VWC2: variants seen among roughly 807,000 people sequenced by gnomAD.
The protein encoded by VWC2 is brorin.
VWC2 carries 14 observed loss-of-function variants against 29.8 expected under a neutral mutation model. That is an observed-to-expected ratio of 0.47 (90% CI 0.31 to 0.74). VWC2 has a LOEUF of 0.74. Ranked by LOEUF, VWC2 falls within the 30% of genes least tolerant of loss-of-function variation. The pLI, the probability that VWC2 is intolerant of heterozygous loss-of-function variation, is 0.05. For missense variants in VWC2, 457 were observed against 459.8 expected, an observed-to-expected ratio of 0.99 and a Z score of 0.05; for synonymous variants, 213 against 199.0, an observed-to-expected ratio of 1.07 and a Z score of -0.59.
intron 3 of VWC2, among the ~76,000 whole-genome samples, chr7:49,867,857 G>A (rs1463901303): frequency 6.8e-6 from 1 of 147,668 alleles, no homozygotes; most frequent in Non-Finnish European, 1.5e-5. Flanking sequence ...TTTTTGAGGT[G>A]GAGTCTTGCC....
Position 49,912,021 on chromosome 7 carries a change from T to G in VWC2, c.827-13T>G, listed in dbSNP as rs764286781. 2 of 1,610,076 alleles carry G rather than the reference T, an allele frequency of 1.2e-6. No individual in the cohort carries two copies. The highest frequency in any genetic ancestry group is 1.7e-6 in the Non-Finnish European group (2 of 1,178,320). ...TGCACACATATAGTATAAAACATTT[T>G]TCTGCATTTCAGGTCCAAACTGCTT... On this transcript the variant is annotated splice_polypyrimidine_tract_variant and intron_variant, in intron 3 of 3. Transcript: ENST00000340652.
intron 3 of VWC2, among the ~76,000 whole-genome samples, chr7:49,823,812 G>T (rs970778836): frequency 6.6e-6 from 1 of 152,134 alleles, no homozygotes; most frequent in African/African-American, 2.4e-5. Context: ...GGTCTAAGAG[G>T]TCTAGTGCAC....
Position 49,775,469 on chromosome 7 carries a change from C to T in VWC2, c.34C>T (p.Leu12Phe), listed in dbSNP as rs774449799. 1.7e-5 allele frequency: 26 copies of T among 1,497,850 alleles called. No individual in the cohort carries two copies. The highest frequency in any genetic ancestry group is 2.0e-5 in the Non-Finnish European group (23 of 1,127,234). 92.8% of individuals were successfully genotyped at this position (1,497,850 alleles called of 1,614,324 possible). ...CTCCACTGCGATGGCAGTTGGCGCG[C>T]TCTCCAGTTCCCTCCTGGTCACCTG... is the stretch of plus-strand genomic sequence containing the variant. Reference protein sequence around the residue: ...PSSTAMAVGALSSSLLVTCCL... With the variant: ...PSSTAMAVGAFSSSLLVTCCL... Residue 12 changes from leucine (L) to phenylalanine (F), a missense_variant, in exon 2 of 4, where the codon CTC (leucine) becomes TTC (phenylalanine). Leu to Phe is a conservative substitution (Grantham distance 22). Coordinates refer to ENST00000340652, the MANE Select transcript of VWC2 (RefSeq NM_198570.5).
chr7:49,900,354 A>G, intron 3 of VWC2, among the ~76,000 whole-genome samples: 1 of 151,774 alleles, frequency 6.6e-6, no homozygotes, highest in South Asian at 2.1e-4. Context: ...GGAAAACAAT[A>G]GAGAAAGCTG....
At chr7:49,840,041 AC>A (rs1481329233) in intron 3 of VWC2, among the ~76,000 whole-genome samples, 1 of 152,120 alleles carries the variant, frequency 6.6e-6, no homozygotes, top group Non-Finnish European at 1.5e-5. Context: ...CGCCTCATGG[AC>A]AACCCTGGCC....
intron 3 of VWC2, among the ~76,000 whole-genome samples, chr7:49,896,769 T>A (rs1008918517): frequency 6.6e-6 from 1 of 151,726 alleles, no homozygotes; most frequent in African/African-American, 2.4e-5. Flanking sequence ...TCTATGCACA[T>A]AAATTTAACA....
At chr7:49,821,218 GCA>G in intron 3 of VWC2, among the ~76,000 whole-genome samples, 1 of 152,322 alleles carries the variant, frequency 6.6e-6, no homozygotes, top group South Asian at 2.1e-4. Flanking sequence ...TGTTTAATAT[GCA>G]CAGTTTGCCC....
intron 3 of VWC2, among the ~76,000 whole-genome samples, chr7:49,816,370 A>G (rs1789143311): frequency 6.6e-6 from 1 of 152,216 alleles, no homozygotes; most frequent in African/African-American, 2.4e-5. Context: ...TAGTTTGGAC[A>G]TGGGCAGTGA....
intron 3 of VWC2, among the ~76,000 whole-genome samples, chr7:49,810,670 G>C (rs1583643214): frequency 6.6e-6 from 1 of 152,126 alleles, no homozygotes; most frequent in Non-Finnish European, 1.5e-5. Context: ...TTGGTGCAAA[G>C]ATAGACGATG....
intron 3 of VWC2, among the ~76,000 whole-genome samples, chr7:49,866,933 G>A (rs2128721997): frequency 6.6e-6 from 1 of 152,352 alleles, no homozygotes; most frequent in South Asian, 2.1e-4. Flanking sequence ...TTCTTCTGAG[G>A]ACACACAGAC....
At chr7:49,781,572 A>C (rs1368725005) in intron 2 of VWC2, among the ~76,000 whole-genome samples, 1 of 152,218 alleles carries the variant, frequency 6.6e-6, no homozygotes, top group Non-Finnish European at 1.5e-5. Context: ...TCATAGAGCT[A>C]GTAAATGGTG....
chr7:49,848,550 C>T (rs1790051358), intron 3 of VWC2, among the ~76,000 whole-genome samples: 1 of 152,256 alleles, frequency 6.6e-6, no homozygotes, highest in Non-Finnish European at 1.5e-5. Context: ...GGTCTGCTCT[C>T]TCGTTTCCTG....
chr7:49,862,729 T>C (rs574296086), intron 3 of VWC2, among the ~76,000 whole-genome samples: 1 of 152,184 alleles, frequency 6.6e-6, no homozygotes, highest in Non-Finnish European at 1.5e-5. Context: ...ACCATGAGTT[T>C]TTTTTTTTCA....
At chr7:49,792,045 C>T (rs970346343) in intron 2 of VWC2, among the ~76,000 whole-genome samples, 4 of 152,290 alleles carry the variant, frequency 2.6e-5, no homozygotes, top group African/African-American at 4.8e-5. Context: ...AATATACAGG[C>T]GTTACTTCAA....
At chr7:49,845,105 G>T (rs1789895929) in intron 3 of VWC2, among the ~76,000 whole-genome samples, 1 of 152,206 alleles carries the variant, frequency 6.6e-6, no homozygotes, top group South Asian at 2.1e-4. Flanking sequence ...ACATGGGCGG[G>T]AACAACACAC....
chr7:49,900,106 A>ATATTTTAAACTAAATAAAAATTTAGTT (rs1460326521), intron 3 of VWC2, among the ~76,000 whole-genome samples: 150 of 151,888 alleles, frequency 9.9e-4, no homozygotes, highest in African/African-American at 2.5e-3. Context: ...AAGTTTAAAA[A>ATATTTTAAACTAAATAAAAATTTAGTT]TATTTTAAAC....
chr7:49,832,033 G>T (rs2128711567), intron 3 of VWC2, among the ~76,000 whole-genome samples: 1 of 152,296 alleles, frequency 6.6e-6, no homozygotes, highest in South Asian at 2.1e-4. Context: ...CAGGCTGAGG[G>T]GTCCCTGGAG....
intron 3 of VWC2, among the ~76,000 whole-genome samples, chr7:49,875,034 T>C (rs934566547): frequency 6.6e-6 from 1 of 152,012 alleles, no homozygotes; most frequent in Non-Finnish European, 1.5e-5. Context: ...AAACAGTTTA[T>C]GAACTTGTTT....
At chr7:49,821,012 C>A (rs567578156) in intron 3 of VWC2, among the ~76,000 whole-genome samples, 9 of 152,178 alleles carry the variant, frequency 5.9e-5, no homozygotes, top group Non-Finnish European at 1.0e-4. Flanking sequence ...CAGCCCTCCC[C>A]GCCCAGGATG....
Sources: allele counts gnomAD v4.1 joint callset (sites outside exome capture counted in the v4.1 genomes callset), GRCh38; gene constraint gnomAD v4.1.1; transcripts MANE v1.5; gene names NCBI Gene and HGNC (gene_info 2026-07-23, HGNC 2026-07-21).